AOAH: variants seen among roughly 807,000 people sequenced by gnomAD.
AOAH encodes acyloxyacyl hydrolase (neutrophil).
In AOAH, 64 loss-of-function variants were observed where a neutral mutation model predicts 92.2. The observed-to-expected ratio is 0.69, with a 90% CI of 0.57 to 0.86. AOAH has a LOEUF of 0.86. AOAH is among the 40% of genes least tolerant of loss of function. AOAH has a pLI of 0.00. For synonymous variants in AOAH, 263 were observed against 254.5 expected (o/e 1.03, Z -0.32); for missense variants, 656 against 694.6 (o/e 0.94, Z 0.62).
chr7:36,708,719 T>C (rs1267684204), intron 1 of AOAH, among the ~76,000 whole-genome samples: 3 of 152,224 alleles, frequency 2.0e-5, no homozygotes, highest in Non-Finnish European at 4.4e-5. Flanking sequence ...CTAGTAACTT[T>C]CTGGGCTTCA....
chr7:36,646,773 T>C (rs1161033753), intron 4 of AOAH, among the ~76,000 whole-genome samples: 122 of 152,156 alleles, frequency 8.0e-4, no homozygotes, highest in Non-Finnish European at 1.0e-4. Flanking sequence ...ACTGCCTCTG[T>C]TGTCACATTT....
chr7:36,656,009 CA>C (rs1258404367), intron 4 of AOAH, among the ~76,000 whole-genome samples: 3 of 152,126 alleles, frequency 2.0e-5, no homozygotes, highest in Non-Finnish European at 4.4e-5. Flanking sequence ...AATAATCCAC[CA>C]AGTGGAAGGA....
chr7:36,559,361 C>A (rs1244417131), intron 13 of AOAH, among the ~76,000 whole-genome samples: 1 of 152,214 alleles, frequency 6.6e-6, no homozygotes. Flanking sequence ...TACATTCCCA[C>A]CAGTAGCGTA....
At chr7:36,711,021 AC>A (rs888891301) in intron 1 of AOAH, among the ~76,000 whole-genome samples, 170 of 152,326 alleles carry the variant, frequency 1.1e-3, no homozygotes, top group African/African-American at 3.8e-3. Context: ...GAGTGGCAGA[AC>A]CAGGATTCAA....
At chr7:36,692,515 G>C (rs757666491) in intron 1 of AOAH, among the ~76,000 whole-genome samples, 1 of 151,960 alleles carries the variant, frequency 6.6e-6, no homozygotes, top group Non-Finnish European at 1.5e-5. Context: ...CAAGAACATT[G>C]TCAACCAGAG....
intron 12 of AOAH, among the ~76,000 whole-genome samples, chr7:36,580,523 T>C (rs896125044): frequency 6.6e-6 from 1 of 152,246 alleles, no homozygotes; most frequent in Non-Finnish European, 1.5e-5. Flanking sequence ...ATGTAGGCTA[T>C]TAAACTTTCT....
At chr7:36,591,616 T>C (rs1789749559) in intron 12 of AOAH, among the ~76,000 whole-genome samples, 1 of 152,186 alleles carries the variant, frequency 6.6e-6, no homozygotes. Context: ...TGGGCACTGA[T>C]CAGGATGATG....
rs546665064 is a variant in AOAH at position 36,609,770 on chromosome 7, G to C, written c.846+6610C>G. 8.5e-5 allele frequency among the ~76,000 whole-genome samples: 13 copies of C among 152,132 alleles called. No individual in the cohort carries two copies. The South Asian group carries it at 2.7e-3, about 32-fold the overall frequency. The stretch of plus-strand genomic sequence containing the variant: ...TGCCCCATGGGGTTTTAAGCTCTAT[G>C]GGCACCAGGGATCTTTCCATCCTTT... On this transcript the variant is annotated intron_variant, in intron 11 of 20. Transcript: ENST00000617537.
intron 2 of AOAH, among the ~76,000 whole-genome samples, chr7:36,678,582 T>C (rs1328293773): frequency 1.8e-4 from 20 of 108,148 alleles, no homozygotes; most frequent in African/African-American, 6.3e-4. Context: ...TGTGTGTGTG[T>C]GTGTGTGTGT....
At chr7:36,621,687 C>T (rs750231829) in intron 8 of AOAH, 23 bp downstream of exon 8, 1 of 1,612,186 alleles carries the variant, frequency 6.2e-7, no homozygotes, top group Non-Finnish European at 8.5e-7. Context: ...TTTTAAAAAT[C>T]AGCAACCAGC....
intron 4 of AOAH, among the ~76,000 whole-genome samples, chr7:36,651,680 C>T (rs1794584009): frequency 6.6e-6 from 1 of 152,218 alleles, no homozygotes; most frequent in Admixed American, 6.5e-5. Flanking sequence ...ATGCTAAACA[C>T]AGGCAGTGCT....
intron 15 of AOAH, among the ~76,000 whole-genome samples, chr7:36,543,947 C>CTTTCTTTTTTTTTTTTTTT (rs55745823): frequency 5.5e-5 from 5 of 91,008 alleles, no homozygotes; most frequent in Admixed American, 1.6e-4. Context: ...TTCTTTCTTT[C>CTTTCTTTTTTTTTTTTTTT]TTTTTTTTTT....
chr7:36,655,545 G>C (rs1794829787), intron 4 of AOAH, among the ~76,000 whole-genome samples: 1 of 152,160 alleles, frequency 6.6e-6, no homozygotes, highest in Non-Finnish European at 1.5e-5. Context: ...GGAAAGGCAA[G>C]TCTGGAAAGG....
At chr7:36,717,821 A>G (rs1289477968) in intron 1 of AOAH, among the ~76,000 whole-genome samples, 23 of 147,742 alleles carry the variant, frequency 1.6e-4, no homozygotes. Flanking sequence ...TGTGGTGAGG[A>G]ACTTGGTGTC....
chr7:36,572,763 G>C (rs1456260963), intron 13 of AOAH, among the ~76,000 whole-genome samples: 12 of 152,128 alleles, frequency 7.9e-5, no homozygotes, highest in African/African-American at 2.7e-4. Context: ...TCACACACCA[G>C]GTTTTGTGAT....
At chr7:36,557,596 A>G (rs1392205374) in intron 13 of AOAH, among the ~76,000 whole-genome samples, 8 of 152,110 alleles carry the variant, frequency 5.3e-5, no homozygotes, top group Admixed American at 6.5e-5. Context: ...ACTTGGTTCC[A>G]TTCTCCCTGT....
At chr7:36,539,758 A>ACCT (rs1562548630) in intron 16 of AOAH, among the ~76,000 whole-genome samples, 7 of 152,230 alleles carry the variant, frequency 4.6e-5, no homozygotes, top group African/African-American at 1.7e-4. Flanking sequence ...AGGGTTAAGG[A>ACCT]TCACACCTTC....
At chr7:36,562,043 G>A (rs1249962744) in intron 13 of AOAH, among the ~76,000 whole-genome samples, 6 of 152,168 alleles carry the variant, frequency 3.9e-5, no homozygotes, top group Non-Finnish European at 8.8e-5. Context: ...TCCATACTAT[G>A]AGCCTAGAAT....
At chr7:36,544,161 G>A (rs1457944052) in intron 15 of AOAH, among the ~76,000 whole-genome samples, 1 of 151,854 alleles carries the variant, frequency 6.6e-6, no homozygotes, top group Admixed American at 6.6e-5. Context: ...TGGCCAGGAT[G>A]GTCTCAATCT....
Sources: allele counts gnomAD v4.1 joint callset (sites outside exome capture counted in the v4.1 genomes callset), GRCh38; gene constraint gnomAD v4.1.1; transcripts MANE v1.5; gene names NCBI Gene and HGNC (gene_info 2026-07-23, HGNC 2026-07-21).